Variants in PFKP observed in about 807,000 individuals in gnomAD.
The protein encoded by PFKP is phosphofructokinase, platelet, also known as ATP-dependent 6-phosphofructokinase, platelet type.
In PFKP, 101 loss-of-function variants were observed where a neutral mutation model predicts 94.3. That is an observed-to-expected ratio of 1.07 (90% CI 0.91 to 1.26). The LOEUF is 1.26. PFKP is among the 50% of genes most tolerant of loss of function. The pLI, the probability that PFKP is intolerant of heterozygous loss-of-function variation, is 0.00. For missense variants in PFKP, 1,145 were observed against 1,103.3 expected, an observed-to-expected ratio of 1.04 and a Z score of -0.53; for synonymous variants, 573 against 432.6, an observed-to-expected ratio of 1.32 and a Z score of -4.03.
chr10:3,102,700 G>A (rs1485866665), intron 4 of PFKP, among the ~76,000 whole-genome samples: 1 of 152,238 alleles, frequency 6.6e-6, no homozygotes, highest in African/African-American at 2.4e-5. Context: ...CCAAAGTGTA[G>A]TTTTTCTCCC....
At chr10:3,121,747 C>T (rs1240560349) in intron 16 of PFKP, among the ~76,000 whole-genome samples, 1 of 147,132 alleles carries the variant, frequency 6.8e-6, no homozygotes, top group Non-Finnish European at 1.5e-5. Flanking sequence ...GTTTTAAATG[C>T]AGTTTTTCAT....
At chr10:3,134,376 A>G in intron 19 of PFKP, 107 bp from the exon 20 acceptor site, 1 of 725,662 alleles carries the variant, frequency 1.4e-6, no homozygotes, top group Non-Finnish European at 2.4e-6. Flanking sequence ...AACTATAAGG[A>G]CCTAGAAATA....
At chr10:3,088,537 G>A (rs1182298220) in intron 2 of PFKP, among the ~76,000 whole-genome samples, 3 of 152,184 alleles carry the variant, frequency 2.0e-5, no homozygotes, top group East Asian at 1.9e-4. Flanking sequence ...TCACCCAGCC[G>A]AGGTGACGGC....
intron 11 of PFKP, among the ~76,000 whole-genome samples, chr10:3,112,762 T>C (rs1836376757): frequency 6.6e-6 from 1 of 152,210 alleles, no homozygotes; most frequent in Non-Finnish European, 1.5e-5. Context: ...CAGACGGGGT[T>C]TCAACATGTT....
At chr10:3,075,226 G>C (rs772740366) in intron 1 of PFKP, among the ~76,000 whole-genome samples, 1 of 151,480 alleles carries the variant, frequency 6.6e-6, no homozygotes, top group African/African-American at 2.4e-5. Flanking sequence ...CAGCCTGGGC[G>C]TTAGGGCCGT....
At chr10:3,129,748 T>C (rs761963532) in intron 16 of PFKP, 71 bp from the exon 17 acceptor site, 35 of 1,518,112 alleles carry the variant, frequency 2.3e-5, no homozygotes, top group Non-Finnish European at 3.0e-5. Context: ...CACTCACTCT[T>C]GGGGGAGCTC....
intron 1 of PFKP, among the ~76,000 whole-genome samples, chr10:3,068,175 C>A (rs1588363634): frequency 1.3e-5 from 2 of 152,132 alleles, no homozygotes; most frequent in Admixed American, 1.3e-4. Context: ...TAAGTGCCCC[C>A]CCGCCCCCCA....
intron 20 of PFKP, among the ~76,000 whole-genome samples, chr10:3,135,445 C>CTGA (rs1839141229): frequency 9.6e-5 from 5 of 52,016 alleles, no homozygotes; most frequent in African/African-American, 4.0e-4. Context: ...AATTAGTGTC[C>CTGA]TGTAATTTAA....
At chr10:3,102,692 A>C (rs1374104629) in intron 4 of PFKP, among the ~76,000 whole-genome samples, 1 of 152,152 alleles carries the variant, frequency 6.6e-6, no homozygotes, top group Non-Finnish European at 1.5e-5. Context: ...TCGGCCTCCC[A>C]AAGTGTAGTT....
At chr10:3,121,815 T>TC (rs1837450357) in intron 16 of PFKP, among the ~76,000 whole-genome samples, 4 of 41,244 alleles carry the variant, frequency 9.7e-5, no homozygotes, top group African/African-American at 2.5e-4. Flanking sequence ...TTTTTTTTTT[T>TC]TTTTTTTTTT....
intron 19 of PFKP, 35 bp from the exon 20 acceptor site, chr10:3,134,448 T>TAGAAAG: frequency 8.4e-7 from 1 of 1,195,082 alleles, no homozygotes; most frequent in Non-Finnish European, 1.2e-6. Context: ...TGTTACTGTA[T>TAGAAAG]AACTGGTATT....
chr10:3,120,801 A>G (rs1398550408), intron 16 of PFKP, among the ~76,000 whole-genome samples: 1 of 152,178 alleles, frequency 6.6e-6, no homozygotes, highest in Non-Finnish European at 1.5e-5. Context: ...CTGGGACCAC[A>G]GGCATGTGCC....
intron 2 of PFKP, among the ~76,000 whole-genome samples, chr10:3,098,301 T>C (rs1003818356): frequency 6.6e-6 from 1 of 152,156 alleles, no homozygotes; most frequent in Non-Finnish European, 1.5e-5. Flanking sequence ...GTTATGTAGA[T>C]GAAGTTACCC....
At chr10:3,136,053 C>A (rs144064066) in intron 21 of PFKP, among the ~76,000 whole-genome samples, 1 of 152,244 alleles carries the variant, frequency 6.6e-6, no homozygotes, top group African/African-American at 2.4e-5. Context: ...ATCACAAGGT[C>A]AAGAGATCGA....
At chr10:3,099,248 TTAA>T in intron 2 of PFKP, 24 bp from the exon 3 acceptor site, 1 of 1,576,810 alleles carries the variant, frequency 6.3e-7, no homozygotes, top group Non-Finnish European at 8.7e-7. Context: ...TATCTCATTT[TTAA>T]AAGATTCTCC....
At chr10:3,088,944 T>C (rs1833839416) in intron 2 of PFKP, among the ~76,000 whole-genome samples, 1 of 152,082 alleles carries the variant, frequency 6.6e-6, no homozygotes, top group South Asian at 2.1e-4. Flanking sequence ...TTCTTATTTC[T>C]TTTTCCATAC....
intron 17 of PFKP, among the ~76,000 whole-genome samples, chr10:3,131,724 G>C (rs1226194844): frequency 6.6e-6 from 1 of 152,186 alleles, no homozygotes; most frequent in Non-Finnish European, 1.5e-5. Context: ...CTCCCAAAGT[G>C]CTGGGACTAC....
rs768110174 is a variant in PFKP at position 3,113,392 on chromosome 10, C to T, written c.1245C>T (p.Val415=). The T allele has an allele frequency of 6.9e-6, 11 of 1,593,808 alleles. No homozygotes were observed. The highest frequency in any genetic ancestry group is 3.4e-5 in the Admixed American group (2 of 58,602). ...QIPKTNCNVA[V]INVGAPAAGM... is the part of the protein sequence containing the mutation. ...TGCAGACCAATTGCAACGTAGCTGTCATCAACGTGGGGGCACCCGCGGCTG... is the reference window on the plus strand; with the variant it reads ...TGCAGACCAATTGCAACGTAGCTGTTATCAACGTGGGGGCACCCGCGGCTG... Residue 415 remains valine (V), a synonymous_variant, in exon 13 of 22, where the codon GTC becomes GTT. Coordinates refer to ENST00000381125, the MANE Select transcript of PFKP (RefSeq NM_002627.5).
At chr10:3,106,122 G>A (rs1244586602) in intron 7 of PFKP, among the ~76,000 whole-genome samples, 1 of 150,830 alleles carries the variant, frequency 6.6e-6, no homozygotes, top group African/African-American at 2.4e-5. Context: ...CCTCATCCCA[G>A]TGGCCAGGCT....
Sources: gnomAD v4.1 joint callset for allele counts (sites outside exome capture counted in the v4.1 genomes callset) on GRCh38, gnomAD v4.1.1 for gene constraint, MANE v1.5 for transcripts, NCBI Gene and HGNC (gene_info 2026-07-23, HGNC 2026-07-21) for gene names.